Variants in PIK3R1 observed in about 807,000 individuals in gnomAD.
The protein encoded by PIK3R1 is phosphoinositide-3-kinase regulatory subunit 1.
In PIK3R1, 29 loss-of-function variants were observed where a neutral mutation model predicts 98.0. The ratio of observed to expected loss-of-function variants is 0.30; its 90% CI spans 0.22 to 0.40. PIK3R1 has a LOEUF of 0.40. Ranked by LOEUF, PIK3R1 falls within the 10% of genes least tolerant of loss-of-function variation. The pLI, the probability that PIK3R1 is intolerant of heterozygous loss-of-function variation, is 1.00. For synonymous variants in PIK3R1, 282 were observed against 311.8 expected (o/e 0.90, Z 1.01); for missense variants, 596 against 872.7 (o/e 0.68, Z 3.99).
At chr5:68,296,565 A>G (rs1383251090) in intron 15 of PIK3R1, among the ~76,000 whole-genome samples, 2 of 152,236 alleles carry the variant, frequency 1.3e-5, no homozygotes, top group African/African-American at 2.4e-5. Context: ...TTTAGTTGGA[A>G]GACTAGGTTT....
In PIK3R1 at chr5:68,299,256, T is replaced by G. The variant is rs1367275876; in HGVS notation, c.*1655T>G. ...AAAAAAGCATGATCTGAAAAATACT[T>G]TTGGTGGTATGTTGGTTACCCTCCT... On this transcript the variant is annotated 3_prime_UTR_variant, in exon 16 of 16. Transcript: ENST00000521381. 1 of 233,520 alleles carries G rather than the reference T, an allele frequency of 4.3e-6. No homozygotes were observed. Among genetic ancestry groups the G allele is most frequent in the Admixed American group, 5.6e-5 (1 of 17,774 alleles). The allele number at this position is 233,520 out of a possible 1,614,324, so 14.5% of individuals were successfully genotyped here.
At position 68,274,023 on chromosome 5, in the gene PIK3R1, AC is replaced by A; in HGVS notation, c.502+11del. On this transcript the variant is annotated intron_variant, in intron 4 of 15. Coordinates refer to ENST00000521381, the MANE Select transcript of PIK3R1 (RefSeq NM_181523.3). ...CAGCTTCTTGATTGTGGTGAGTGTCACAGAGCTAGAAATGCAAATGGGAAAG... is the reference window on the plus strand; with the variant it reads ...CAGCTTCTTGATTGTGGTGAGTGTCAAGAGCTAGAAATGCAAATGGGAAAG... 6.2e-7 allele frequency: 1 copy of A among 1,607,930 alleles called. No individual in the cohort carries two copies.
chr5:68,272,197 G>A (rs999553860), intron 2 of PIK3R1, among the ~76,000 whole-genome samples: 23 of 147,772 alleles, frequency 1.6e-4, no homozygotes, highest in Admixed American at 4.1e-4. Flanking sequence ...AGGCTGCAGC[G>A]AGCCATGATC....
chr5:68,290,588 G>A (rs999465296), intron 7 of PIK3R1: 8 of 1,274,980 alleles, frequency 6.3e-6, no homozygotes, highest in Non-Finnish European at 8.2e-6. Context: ...ACATTTTTCT[G>A]ACTTGATTGG....
intron 2 of PIK3R1, among the ~76,000 whole-genome samples, chr5:68,256,304 A>G (rs894173716): frequency 1.3e-5 from 2 of 152,168 alleles, no homozygotes; most frequent in Non-Finnish European, 2.9e-5. Flanking sequence ...GTCTCGGCTC[A>G]CTGCAAGCTC....
chr5:68,272,327 A>C (rs917115501), intron 2 of PIK3R1, among the ~76,000 whole-genome samples: 2 of 152,138 alleles, frequency 1.3e-5, no homozygotes, highest in Non-Finnish European at 1.5e-5. Context: ...CTATACTGGT[A>C]AAATCTCACA....
chr5:68,288,723 G>A, intron 7 of PIK3R1: 2 of 1,613,942 alleles, frequency 1.2e-6, no homozygotes, highest in African/African-American at 1.3e-5. Context: ...CATTTCAAAG[G>A]GAAACCGTTG....
At chr5:68,266,191 C>T (rs1746116888) in intron 2 of PIK3R1, among the ~76,000 whole-genome samples, 1 of 152,210 alleles carries the variant, frequency 6.6e-6, no homozygotes, top group South Asian at 2.1e-4. Context: ...TCAGGGGATC[C>T]TTCAATTGCT....
intron 4 of PIK3R1, among the ~76,000 whole-genome samples, chr5:68,274,228 C>G (rs1387004485): frequency 6.6e-6 from 1 of 152,150 alleles, no homozygotes; most frequent in South Asian, 2.1e-4. Flanking sequence ...TGCACGCCTC[C>G]CTGCAGGCAT....
Position 68,278,583 on chromosome 5 carries a change from G to A in PIK3R1, c.503-1019G>A, listed in dbSNP as rs529575734. ...CCACCCTCAGAGGATGTTAGGAAAT[G>A]TTTGGGTTCTGTATTCGTTTGCTCA... is the stretch of plus-strand genomic sequence containing the variant. On this transcript the variant is annotated intron_variant, in intron 4 of 15. Transcript: ENST00000521381. Among the ~76,000 whole-genome samples the A allele has an allele frequency of 2.0e-5, 3 of 152,296 alleles. No homozygotes were observed. The East Asian group carries it at 5.8e-4, about 29-fold the overall frequency.
intron 7 of PIK3R1, chr5:68,288,889 C>T: frequency 1.2e-6 from 1 of 853,646 alleles, no homozygotes; most frequent in South Asian, 1.4e-5. Flanking sequence ...TTAGGGGAGA[C>T]ACTCCCCCTG....
intron 7 of PIK3R1, among the ~76,000 whole-genome samples, chr5:68,290,414 A>G (rs570950431): frequency 6.6e-6 from 1 of 152,328 alleles, no homozygotes; most frequent in Admixed American, 6.5e-5. Context: ...AGTAATAAAC[A>G]AGGAATTAGA....
At chr5:68,257,735 C>T (rs1190051272) in intron 2 of PIK3R1, among the ~76,000 whole-genome samples, 30 of 152,134 alleles carry the variant, frequency 2.0e-4, no homozygotes, top group Admixed American at 1.9e-3. Context: ...TCCTCATTGC[C>T]TTTTTCAGAC....
At chr5:68,295,686 T>TACTC (rs1747675235) in intron 14 of PIK3R1, 198 bp downstream of exon 14, 1 of 596,524 alleles carries the variant, frequency 1.7e-6, no homozygotes, top group Admixed American at 2.9e-5. Flanking sequence ...GATTTATTTT[T>TACTC]ACTCATAATG....
At chr5:68,296,443 T>A in intron 15 of PIK3R1, 102 bp downstream of exon 15, 1 of 1,117,170 alleles carries the variant, frequency 9.0e-7, no homozygotes, top group Non-Finnish European at 1.3e-6. Flanking sequence ...ATAGTTTTAG[T>A]CTTGAATAAG....
intron 1 of PIK3R1, among the ~76,000 whole-genome samples, chr5:68,222,399 G>A (rs1163671366): frequency 6.6e-6 from 1 of 152,234 alleles, no homozygotes; most frequent in South Asian, 2.1e-4. Context: ...GAGGAGCTGG[G>A]TTATTGGAAA....
At chr5:68,243,750 G>A (rs1361884496) in intron 2 of PIK3R1, among the ~76,000 whole-genome samples, 6 of 152,162 alleles carry the variant, frequency 3.9e-5, no homozygotes, top group African/African-American at 9.7e-5. Flanking sequence ...GGTGGATCAC[G>A]GGCAGAAACA....
chr5:68,277,187 G>A (rs962042853), intron 4 of PIK3R1, among the ~76,000 whole-genome samples: 9 of 152,228 alleles, frequency 5.9e-5, no homozygotes, highest in African/African-American at 2.2e-4. Flanking sequence ...AACATGCGGG[G>A]CAAAGTGTAT....
At position 68,301,013 on chromosome 5, in the gene PIK3R1, T is replaced by C. The variant is rs1256232208; in HGVS notation, c.*3412T>C. On this transcript the variant is annotated 3_prime_UTR_variant, in exon 16 of 16. Transcript: ENST00000521381. ...GCTGGTTATGAACTAGTAACATGTT[T>C]GGGAAGTCCTACTGATGTTCCTTTG... 2 of 232,678 alleles carry C rather than the reference T, an allele frequency of 8.6e-6. No homozygotes were observed. Among genetic ancestry groups the C allele is most frequent in the Non-Finnish European group, 1.7e-5 (2 of 117,590 alleles). 14.4% of individuals were successfully genotyped at this position (232,678 alleles called of 1,614,324 possible). A position where few individuals can be genotyped will look rare whatever the true frequency, so the allele number is the denominator to read the frequency against.
Sources: allele counts gnomAD v4.1 joint callset (sites outside exome capture counted in the v4.1 genomes callset), GRCh38; gene constraint gnomAD v4.1.1; transcripts MANE v1.5; gene names NCBI Gene and HGNC (gene_info 2026-07-23, HGNC 2026-07-21).